Variants in MOB3C observed in about 807,000 individuals in gnomAD.
MOB3C encodes MOB1, Mps One Binder kinase activator-like 2C.
A neutral mutation model predicts 19.8 loss-of-function variants in MOB3C; 17 were observed. That is an observed-to-expected ratio of 0.86 (90% CI 0.59 to 1.29). The LOEUF is 1.29. MOB3C is among the 50% of genes most tolerant of loss of function. The pLI is 0.00. For synonymous variants in MOB3C, 101 were observed against 119.2 expected, an observed-to-expected ratio of 0.85 and a Z score of 0.99; for missense variants, 291 against 301.9, an observed-to-expected ratio of 0.96 and a Z score of 0.27.
rs112472629 is a variant in MOB3C at position 46,613,090 on chromosome 1, T to C, written c.232A>G (p.Met78Val). ...CTGGTCTCACTGCAGCGCTCCGCCA[T>C]AGTGCCGTAGATGAGGTTGATGCGG... Reference protein sequence around the residue: ...FNRINLIYGTMAERCSETSCP... With the variant: ...FNRINLIYGTVAERCSETSCP... Residue 78 changes from methionine to valine, a missense_variant, in exon 2 of 4, where the codon ATG becomes GTG. Met to Val is a conservative substitution (Grantham distance 21). Coordinates refer to ENST00000319928, the MANE Select transcript of MOB3C (RefSeq NM_201403.3). 4,237 of 1,614,204 alleles carry C rather than the reference T, an allele frequency of 2.6e-3. 11 individuals are homozygous for C. The highest frequency in any genetic ancestry group is 3.3e-3 in the Non-Finnish European group (3,931 of 1,180,018).
Position 46,613,248 on chromosome 1 carries a change from G to A in MOB3C, c.74C>T (p.Thr25Ile), listed in dbSNP as rs1311066634. The change falls in exon 2 of 4, where the codon ACA becomes ATA. Residue 25 changes from threonine to isoleucine, a missense_variant. Thr to Ile is a moderately conservative substitution (Grantham distance 89). Coordinates refer to ENST00000319928, the MANE Select transcript of MOB3C (RefSeq NM_201403.3). The stretch of plus-strand genomic sequence containing the variant: ...CTTCTTGTACAGCTCAAAGCGCTGT[G>A]TGCCCGGCTCAAAGCGCTTCCGCGG... ...FRPRKRFEPG[T>I]QRFELYKKAQ... The A allele has an allele frequency of 1.2e-6, 2 of 1,614,040 alleles. No homozygotes were observed. The highest frequency in any genetic ancestry group is 3.3e-5 in the Admixed American group (2 of 60,034).
rs1314497169 is a variant in MOB3C at position 46,612,966 on chromosome 1, G to A, written c.356C>T (p.Ala119Val). ...GCCTTCGATCCAGTCCATGAGCAAT[G>A]CCATATAGCGCGGCGCAGAGAGCTT... is the stretch of plus-strand genomic sequence containing the variant. ...PAKLSAPRYM[A>V]LLMDWIEGLI... The change falls in exon 2 of 4, where the codon GCA becomes GTA. Residue 119 changes from alanine (A) to valine (V), a missense_variant. Coordinates refer to ENST00000319928, the MANE Select transcript of MOB3C (RefSeq NM_201403.3). 7 of 1,604,708 alleles carry A rather than the reference G, an allele frequency of 4.4e-6. No individual in the cohort carries two copies. The Admixed American group carries it at 8.4e-5, about 19-fold the overall frequency.
At chr1:46,614,950 G>C in intron 1 of MOB3C, 8 of 1,556,444 alleles carry the variant, frequency 5.1e-6, no homozygotes, top group Non-Finnish European at 7.1e-6. Flanking sequence ...GCAGGAACTT[G>C]TTCTCTTGAA....
At chr1:46,610,265 T>C in intron 2 of MOB3C, 61 bp from the exon 3 acceptor site, 1 of 1,549,652 alleles carries the variant, frequency 6.5e-7, no homozygotes, top group Non-Finnish European at 8.9e-7. Context: ...CTGCTCAACT[T>C]TTCCCTCCCA....
At chr1:46,615,558 T>C (rs1020397090) in intron 1 of MOB3C, 5 of 154,698 alleles carry the variant, frequency 3.2e-5, no homozygotes, top group African/African-American at 4.8e-5. Context: ...ATAGCCCTGA[T>C]AGATCAGCTG....
rs775553966 is a variant in MOB3C at position 46,613,203 on chromosome 1, G to C, written c.119C>G (p.Ser40Trp). 1 of 1,614,230 alleles carries C rather than the reference G, an allele frequency of 6.2e-7. No individual in the cohort carries two copies. Among genetic ancestry groups the C allele is most frequent in the East Asian group, 2.2e-5 (1 of 44,886 alleles). Residue 40 changes from serine to tryptophan, a missense_variant, in exon 2 of 4, where the codon TCG becomes TGG. By Grantham distance (177) the Ser-to-Trp change is radical. Transcript: ENST00000319928. ...CACCACACTGCGCAGGTCCAGGCCC[G>C]ACTTGAGAGAGGCCTGTGCCTTCTT... ...LYKKAQASLKSGLDLRSVVRL... is the reference protein window; with the variant it reads ...LYKKAQASLKWGLDLRSVVRL...
intron 2 of MOB3C, among the ~76,000 whole-genome samples, 168 bp from the exon 3 acceptor site, chr1:46,610,372 T>C (rs567385095): frequency 6.6e-6 from 1 of 152,346 alleles, no homozygotes; most frequent in South Asian, 2.1e-4. Context: ...CATACTTTTC[T>C]TTCTTTCTTC....
At position 46,608,535 on chromosome 1, in the gene MOB3C, G is replaced by T. The variant is rs991449676; in HGVS notation, c.*1120C>A. ...TGGCTGGAATGTGTCAGGGATGGCT[G>T]GGAAGGAGGCAGGTACTTTTAGGAT... On this transcript the variant is annotated 3_prime_UTR_variant, in exon 4 of 4. Coordinates refer to ENST00000319928, the MANE Select transcript of MOB3C (RefSeq NM_201403.3). This position sits in a 1 kb window ranked among gnomAD's most constrained non-coding sequence, Gnocchi z 4.5. 3.3e-5 allele frequency: 5 copies of T among 152,760 alleles called. No individual in the cohort carries two copies. Among genetic ancestry groups the T allele is most frequent in the Admixed American group, 6.5e-5 (1 of 15,280 alleles). 9.5% of individuals were successfully genotyped at this position (152,760 alleles called of 1,614,324 possible).
At position 46,609,201 on chromosome 1, in the gene MOB3C, G is replaced by C; in HGVS notation, c.*454C>G. On this transcript the variant is annotated 3_prime_UTR_variant, in exon 4 of 4. Transcript: ENST00000319928. ...CTATGTGCCAAGGAGGGGTAAGGCA[G>C]CTAGCTCTCACAGACACACCCCACA... is the stretch of plus-strand genomic sequence containing the variant. 3 of 235,200 alleles carry C rather than the reference G, an allele frequency of 1.3e-5. No homozygotes were observed. Among genetic ancestry groups the C allele is most frequent in the Middle Eastern group, 1.6e-3 (1 of 626 alleles). The allele number at this position is 235,200 out of a possible 1,614,324, so 14.6% of individuals were successfully genotyped here.
At chr1:46,612,341 C>G (rs2148803516) in intron 2 of MOB3C, among the ~76,000 whole-genome samples, 1 of 152,270 alleles carries the variant, frequency 6.6e-6, no homozygotes, top group East Asian at 1.9e-4. Context: ...GGCAACTGTT[C>G]TGGAAGGTTC....
intron 1 of MOB3C, chr1:46,615,221 C>G: frequency 1.6e-6 from 1 of 630,028 alleles, no homozygotes. Context: ...CATTCAGCAC[C>G]TTGTCCTACC....
chr1:46,610,114 A>G lies in MOB3C; in HGVS notation c.509T>C (p.Phe170Ser). 1 of 1,614,164 alleles carries G rather than the reference A, an allele frequency of 6.2e-7. No homozygotes were observed. Residue 170 changes from phenylalanine to serine, a missense_variant, in exon 3 of 4, where the codon TTC becomes TCC. Physicochemically the swap from Phe to Ser is radical, Grantham distance 155 (BLOSUM62 -2). Coordinates refer to ENST00000319928, the MANE Select transcript of MOB3C (RefSeq NM_201403.3). ...RVFVHVYIHH[F>S]DSILSMGAEA... Reference sequence around the variant, plus strand: ...TGCCCCCATGCTGAGGATGCTATCGAAGTGGTGGATGTAGACATGGACAAA... The same window carrying G: ...TGCCCCCATGCTGAGGATGCTATCGGAGTGGTGGATGTAGACATGGACAAA...
rs1375341069 is a variant in MOB3C at position 46,609,435 on chromosome 1, C to T, written c.*220G>A. The T allele has an allele frequency of 6.4e-6, 4 of 629,300 alleles. No individual in the cohort carries two copies. Among genetic ancestry groups the T allele is most frequent in the Non-Finnish European group, 1.1e-5 (4 of 353,164 alleles). 39.0% of individuals were successfully genotyped at this position (629,300 alleles called of 1,614,324 possible). A position where few individuals can be genotyped will look rare whatever the true frequency, so the allele number is the denominator to read the frequency against. Reference sequence around the variant, plus strand: ...ACTTCATGCCAGAGGTTTAACTCCACTTCCCTTCTGTTTGCCTGCCTAGAT... The same window carrying T: ...ACTTCATGCCAGAGGTTTAACTCCATTTCCCTTCTGTTTGCCTGCCTAGAT... On this transcript the variant is annotated 3_prime_UTR_variant, in exon 4 of 4. Coordinates refer to ENST00000319928, the MANE Select transcript of MOB3C (RefSeq NM_201403.3).
rs952444886 is a variant in MOB3C, at chr1:46,609,559, T to G, written c.*96A>C. On this transcript the variant is annotated 3_prime_UTR_variant, in exon 4 of 4. Transcript: ENST00000319928. ...CTTTGGGTGTGTGGAGTGATTCCAG[T>G]GCCTTCAGATTCCTTCAGGCTCCTG... The G allele has an allele frequency of 8.1e-6, 12 of 1,475,424 alleles. No homozygotes were observed. Among genetic ancestry groups the G allele is most frequent in the African/African-American group, 1.4e-5 (1 of 72,184 alleles). 91.4% of individuals were successfully genotyped at this position (1,475,424 alleles called of 1,614,324 possible). A position where few individuals can be genotyped will look rare whatever the true frequency, so the allele number is the denominator to read the frequency against.
Position 46,608,160 on chromosome 1 carries a change from C to T in MOB3C, c.*1495G>A, listed in dbSNP as rs1341818555. 6.6e-6 allele frequency: 1 copy of T among 152,246 alleles called. No homozygotes were observed. Among genetic ancestry groups the T allele is most frequent in the East Asian group, 1.9e-4 (1 of 5,202 alleles). The allele number at this position is 152,246 out of a possible 1,614,324, so 9.4% of individuals were successfully genotyped here. On this transcript the variant is annotated 3_prime_UTR_variant, in exon 4 of 4. Coordinates refer to ENST00000319928, the MANE Select transcript of MOB3C (RefSeq NM_201403.3). The surrounding 1 kb of genome is among the most constrained non-coding windows in gnomAD (Gnocchi z 4.5). Reference sequence around the variant, plus strand: ...GAGAGGGTCTGTTAAACCCTCTTTCCATGTGTATCTCTATGTAGCAATTGA... The same window carrying T: ...GAGAGGGTCTGTTAAACCCTCTTTCTATGTGTATCTCTATGTAGCAATTGA...
chr1:46,612,861 G>T (rs751322536), intron 2 of MOB3C, 43 bp downstream of exon 2: 18 of 1,506,030 alleles, frequency 1.2e-5, no homozygotes, highest in Non-Finnish European at 1.5e-5. Context: ...CTCATCTGTG[G>T]AATGGGCTCC....
chr1:46,614,997 C>T lies in MOB3C; in HGVS notation c.-50-1626G>A, dbSNP rs767147620. The T allele has an allele frequency of 5.0e-6, 8 of 1,612,504 alleles. No homozygotes were observed. In the East Asian group the frequency reaches 1.6e-4, roughly 31 times the overall value. On this transcript the variant is annotated intron_variant, in intron 1 of 3. Transcript: ENST00000319928. ...GATGTGAAAGGTCATCTCATCCATC[C>T]CGACTCTTCGACTTCTCACCCAAAG...
At position 46,611,281 on chromosome 1, in the gene MOB3C, G is replaced by A. The variant is rs986280670; in HGVS notation, c.419-1077C>T. Among the ~76,000 whole-genome samples, 4 of 152,218 alleles carry A rather than the reference G, an allele frequency of 2.6e-5. No homozygotes were observed. In the East Asian group the frequency reaches 7.7e-4, roughly 29 times the overall value. On this transcript the variant is annotated intron_variant, in intron 2 of 3. Transcript: ENST00000319928. This position sits in a 1 kb window ranked among gnomAD's most constrained non-coding sequence, Gnocchi z 4.1. ...TGATAAAACAGAAGTGCTTATAAAGGTGAAGCTGCTAGCCCAAGGCCACAT... is the reference window on the plus strand; with the variant it reads ...TGATAAAACAGAAGTGCTTATAAAGATGAAGCTGCTAGCCCAAGGCCACAT...
intron 2 of MOB3C, among the ~76,000 whole-genome samples, chr1:46,610,979 G>T (rs138514481): frequency 2.3e-4 from 35 of 152,162 alleles, no homozygotes; most frequent in African/African-American, 7.7e-4. Context: ...CCAGCAGGAC[G>T]CTGCTCAAGG....
Sources: gnomAD v4.1 joint callset for allele counts (sites outside exome capture counted in the v4.1 genomes callset) on GRCh38, gnomAD v4.1.1 for gene constraint, Gnocchi (gnomAD v3.1) non-coding constraint, MANE v1.5 for transcripts, NCBI Gene and HGNC (gene_info 2026-07-23, HGNC 2026-07-21) for gene names.